Variants in CDC14B observed in about 807,000 individuals in gnomAD.
CDC14B encodes dual specificity protein phosphatase CDC14B.
CDC14B carries 22 observed loss-of-function variants against 64.2 expected under a neutral mutation model. The ratio of observed to expected loss-of-function variants is 0.34; its 90% CI spans 0.24 to 0.49. The LOEUF (loss-of-function observed/expected upper bound fraction) is 0.49. Ranked by LOEUF, CDC14B falls within the 20% of genes least tolerant of loss-of-function variation. The probability of loss-of-function intolerance (pLI) is 0.99; values close to 1 mark genes in which losing one functional copy is unlikely to be tolerated. For missense variants in CDC14B, 498 were observed against 629.9 expected, an observed-to-expected ratio of 0.79 and a Z score of 2.24; for synonymous variants, 191 against 215.8, an observed-to-expected ratio of 0.89 and a Z score of 1.01.
In CDC14B at chr9:96,522,604, CTG is replaced by C; in HGVS notation, c.1246-3_1246-2del. The C allele has an allele frequency of 6.3e-7, 1 of 1,595,490 alleles. No individual in the cohort carries two copies. The highest frequency in any genetic ancestry group is 1.1e-5 in the South Asian group (1 of 90,716). Reference sequence around the variant, plus strand: ...CATTGATTTCGTCATCATCACTGTACTGTGTAAGTAAAAAAACACTGAGCTAA... The same window carrying C: ...CATTGATTTCGTCATCATCACTGTACTGTAAGTAAAAAAACACTGAGCTAA... On this transcript the variant is annotated splice_acceptor_variant and splice_polypyrimidine_tract_variant and intron_variant, in intron 11 of 13. Coordinates refer to ENST00000375241, the MANE Select transcript of CDC14B (RefSeq NM_033331.4). LOFTEE classifies it high-confidence loss of function.
intron 12 of CDC14B, among the ~76,000 whole-genome samples, chr9:96,511,849 T>G (rs1290838358): frequency 6.6e-6 from 1 of 152,152 alleles, no homozygotes; most frequent in Admixed American, 6.5e-5. Flanking sequence ...TTCCAGCACT[T>G]TGGGAGACCA....
intron 1 of CDC14B, among the ~76,000 whole-genome samples, chr9:96,611,763 T>G (rs1268954014): frequency 6.6e-6 from 1 of 152,214 alleles, no homozygotes; most frequent in Non-Finnish European, 1.5e-5. Context: ...AAAAAGACCC[T>G]GTCTGCCAAT....
intron 6 of CDC14B, 111 bp from the exon 7 acceptor site, chr9:96,539,251 A>T: frequency 4.1e-6 from 3 of 723,962 alleles, no homozygotes; most frequent in Non-Finnish European, 7.3e-6. Context: ...TATTGTCATG[A>T]TCAGATTACT....
chr9:96,560,583 T>C (rs893613411), intron 4 of CDC14B, among the ~76,000 whole-genome samples: 1 of 118,592 alleles, frequency 8.4e-6, no homozygotes, highest in South Asian at 2.4e-4. Context: ...TTTCTCTTTC[T>C]CTTTTTTTTT....
At chr9:96,561,295 G>T (rs1253670518) in intron 4 of CDC14B, among the ~76,000 whole-genome samples, 1 of 152,142 alleles carries the variant, frequency 6.6e-6, no homozygotes, top group Admixed American at 6.5e-5. Context: ...ACATAAAAAA[G>T]AAAATTATTA....
chr9:96,518,996 C>T (rs886349484), intron 12 of CDC14B, among the ~76,000 whole-genome samples: 7 of 151,820 alleles, frequency 4.6e-5, no homozygotes, highest in African/African-American at 7.3e-5. Flanking sequence ...TTTAGCCGGG[C>T]GTGGTGGTGG....
At chr9:96,584,582 CA>C (rs1310282946) in intron 1 of CDC14B, among the ~76,000 whole-genome samples, 1 of 152,060 alleles carries the variant, frequency 6.6e-6, no homozygotes, top group African/African-American at 2.4e-5. Context: ...ATAAGCATTT[CA>C]AAGGGGAAAA....
At chr9:96,578,762 G>A (rs1844955660) in intron 1 of CDC14B, among the ~76,000 whole-genome samples, 1 of 152,242 alleles carries the variant, frequency 6.6e-6, no homozygotes, top group African/African-American at 2.4e-5. Context: ...TAATGGGAAA[G>A]CTGGTGAAAT....
intron 1 of CDC14B, among the ~76,000 whole-genome samples, chr9:96,592,320 C>CACT (rs1305271408): frequency 1.3e-5 from 2 of 152,106 alleles, no homozygotes; most frequent in African/African-American, 4.8e-5. Flanking sequence ...TCAAGTGATC[C>CACT]ACTCGCCTCT....
At chr9:96,614,512 A>G (rs1847506987) in intron 1 of CDC14B, among the ~76,000 whole-genome samples, 3 of 151,806 alleles carry the variant, frequency 2.0e-5, no homozygotes, top group Admixed American at 6.5e-5. Flanking sequence ...TAAAAATAGT[A>G]AAATAAATCA....
At chr9:96,516,332 T>C (rs891575923) in intron 12 of CDC14B, among the ~76,000 whole-genome samples, 1 of 152,226 alleles carries the variant, frequency 6.6e-6, no homozygotes, top group African/African-American at 2.4e-5. Context: ...TTTTATAATA[T>C]GGTTCACATT....
chr9:96,558,692 T>TTC lies in CDC14B; in HGVS notation c.420+4000_420+4001insGA, dbSNP rs569245199. 3.6e-4 allele frequency among the ~76,000 whole-genome samples: 55 copies of TTC among 152,342 alleles called. No individual in the cohort carries two copies. The East Asian group carries it at 9.3e-3, about 26-fold the overall frequency. Reference sequence around the variant, plus strand: ...ATTTGTTTTGAAAAGCACTTAAAATTTTCCACTTAAAATTTCACCTTTACT... The same window carrying TTC: ...ATTTGTTTTGAAAAGCACTTAAAATTTCTTCCACTTAAAATTTCACCTTTACT... On this transcript the variant is annotated intron_variant, in intron 4 of 13. Coordinates refer to ENST00000375241, the MANE Select transcript of CDC14B (RefSeq NM_033331.4).
At chr9:96,601,694 G>A (rs575321129) in intron 1 of CDC14B, among the ~76,000 whole-genome samples, 5 of 151,192 alleles carry the variant, frequency 3.3e-5, no homozygotes, top group African/African-American at 1.2e-4. Flanking sequence ...TCGGGAAGCT[G>A]AGGCAGGAGA....
intron 12 of CDC14B, among the ~76,000 whole-genome samples, chr9:96,512,962 T>C (rs1188239674): frequency 6.6e-6 from 1 of 152,156 alleles, no homozygotes; most frequent in African/African-American, 2.4e-5. Context: ...CAAGAGCTGA[T>C]ACACTGCCTG....
chr9:96,504,040 C>A (rs889064501), intron 13 of CDC14B, among the ~76,000 whole-genome samples: 1 of 152,152 alleles, frequency 6.6e-6, no homozygotes, highest in East Asian at 1.9e-4. Context: ...AAAACCAATA[C>A]GAGTAAATAA....
chr9:96,499,715 G>A (rs542058241), downstream of CDC14B, among the ~76,000 whole-genome samples: 6 of 152,298 alleles, frequency 3.9e-5, 1 homozygote, highest in South Asian at 1.2e-3. Flanking sequence ...GCTCTATGTG[G>A]ACATGGGGAC....
At chr9:96,598,811 T>C (rs1846247669) in intron 1 of CDC14B, among the ~76,000 whole-genome samples, 1 of 152,202 alleles carries the variant, frequency 6.6e-6, no homozygotes, top group Non-Finnish European at 1.5e-5. Context: ...CCCAAATTAT[T>C]GAATACAGCA....
intron 5 of CDC14B, among the ~76,000 whole-genome samples, chr9:96,543,646 C>T (rs1015980915): frequency 6.6e-6 from 1 of 152,130 alleles, no homozygotes; most frequent in African/African-American, 2.4e-5. Context: ...TAAGGCACCC[C>T]GACCCCTACC....
At chr9:96,523,114 A>G (rs1836994970) in intron 11 of CDC14B, 147 bp downstream of exon 11, 3 of 808,760 alleles carry the variant, frequency 3.7e-6, no homozygotes, top group Non-Finnish European at 5.8e-6. Flanking sequence ...TTGGGTAAAA[A>G]GTGCCTAGAG....
Sources: allele counts gnomAD v4.1 joint callset (sites outside exome capture counted in the v4.1 genomes callset), GRCh38; gene constraint gnomAD v4.1.1; transcripts MANE v1.5; gene names NCBI Gene and HGNC (gene_info 2026-07-23, HGNC 2026-07-21).